NRXN3: variants seen among roughly 807,000 people sequenced by gnomAD.
NRXN3 encodes the protein neurexin 3.
Under a neutral mutation model 137.6 loss-of-function variants are expected in NRXN3, and 32 were observed. That is an observed-to-expected ratio of 0.23 (90% confidence interval 0.18 to 0.31). The LOEUF is 0.31. Among genes scored for constraint, NRXN3 ranks in the 10% least tolerant of loss-of-function variants. NRXN3 has a pLI of 1.00. For synonymous variants in NRXN3, 798 were observed against 784.5 expected, an observed-to-expected ratio of 1.02 and a Z score of -0.29; for missense variants, 1,574 against 2,062.5, an observed-to-expected ratio of 0.76 and a Z score of 4.59.
intron 15 of NRXN3, among the ~76,000 whole-genome samples, chr14:79,144,767 C>T (rs2153008783): frequency 6.6e-6 from 1 of 152,062 alleles, no homozygotes; most frequent in Middle Eastern, 3.4e-3. Flanking sequence ...GTTGTTTATT[C>T]TCTTTCTTCT....
chr14:79,565,271 G>A lies in NRXN3; in HGVS notation c.3444+97869G>A, dbSNP rs1028590963. Among the ~76,000 whole-genome samples, 7 of 128,276 alleles carry A rather than the reference G, an allele frequency of 5.5e-5. 1 individual carries two copies. Among genetic ancestry groups the A allele is most frequent in the African/African-American group, 2.3e-4 (7 of 30,704 alleles). The allele number at this position is 128,276 out of a possible 152,430, so 84.2% of individuals were successfully genotyped here. On this transcript the variant is annotated intron_variant, in intron 16 of 20. Coordinates refer to ENST00000335750, the MANE Select transcript of NRXN3 (RefSeq NM_001330195.2). ...TGTATATATACATATACACATGTGT[G>A]TGTGTATACATATACGCACACATGT... is the stretch of plus-strand genomic sequence containing the variant.
At position 79,080,130 on chromosome 14, in the gene NRXN3, G is replaced by T. The variant is rs991520505; in HGVS notation, c.3262+91989G>T. ...ATCATTCCCATGTGAGACTTCCTGG[G>T]AGACAGCTGGGGGCAGCCAGAAGCA... On this transcript the variant is annotated intron_variant, in intron 15 of 20. Coordinates refer to ENST00000335750, the MANE Select transcript of NRXN3 (RefSeq NM_001330195.2). 9.2e-5 allele frequency among the ~76,000 whole-genome samples: 14 copies of T among 152,260 alleles called. No individual in the cohort carries two copies. The East Asian group carries it at 2.7e-3, about 29-fold the overall frequency.
intron 8 of NRXN3, among the ~76,000 whole-genome samples, chr14:78,769,838 A>T (rs2098720968): frequency 6.6e-6 from 1 of 152,194 alleles, no homozygotes; most frequent in South Asian, 2.1e-4. Context: ...GCATAGAGAC[A>T]AGAAACTTCC....
intron 15 of NRXN3, among the ~76,000 whole-genome samples, chr14:79,390,673 C>A (rs879467503): frequency 1.3e-5 from 2 of 152,132 alleles, no homozygotes; most frequent in Non-Finnish European, 2.9e-5. Flanking sequence ...GAGACAATGG[C>A]AGCTTCTTGG....
At chr14:78,194,127 T>C (rs2061006648) in intron 1 of NRXN3, among the ~76,000 whole-genome samples, 1 of 152,226 alleles carries the variant, frequency 6.6e-6, no homozygotes, top group South Asian at 2.1e-4. Flanking sequence ...CCCTTCCATC[T>C]GCATGAAAAG....
At chr14:78,594,584 C>T (rs1231431059) in intron 4 of NRXN3, among the ~76,000 whole-genome samples, 1 of 152,164 alleles carries the variant, frequency 6.6e-6, no homozygotes, top group Non-Finnish European at 1.5e-5. Context: ...TATAAACCTT[C>T]TCAGGGTCTT....
At chr14:79,564,782 C>G (rs2097532052) in intron 16 of NRXN3, among the ~76,000 whole-genome samples, 1 of 151,966 alleles carries the variant, frequency 6.6e-6, no homozygotes, top group Non-Finnish European at 1.5e-5. Context: ...GAGTTGTGTT[C>G]ATGGGGAACA....
chr14:78,228,234 G>T (rs1187025781), intron 1 of NRXN3, among the ~76,000 whole-genome samples: 1 of 146,246 alleles, frequency 6.8e-6, no homozygotes, highest in Non-Finnish European at 1.5e-5. Context: ...TCCGCTCACT[G>T]TAACCTCCGC....
chr14:79,123,798 AAG>A (rs2055905248), intron 15 of NRXN3, among the ~76,000 whole-genome samples: 2 of 152,224 alleles, frequency 1.3e-5, no homozygotes, highest in African/African-American at 4.8e-5. Context: ...ATACATGAAT[AAG>A]CAGAGCAGGC....
chr14:78,831,555 A>AAC (rs1244460208), intron 10 of NRXN3, among the ~76,000 whole-genome samples: 3 of 151,154 alleles, frequency 2.0e-5, no homozygotes, highest in African/African-American at 7.3e-5. Context: ...AAAAAAAAAA[A>AAC]AAAAAACAAC....
chr14:79,162,411 C>A (rs948949237), intron 15 of NRXN3, among the ~76,000 whole-genome samples: 1 of 150,782 alleles, frequency 6.6e-6, no homozygotes, highest in Non-Finnish European at 1.5e-5. Context: ...TTTGTTCTTG[C>A]GATAGTTTAC....
chr14:78,771,329 C>T (rs961787846), intron 8 of NRXN3, among the ~76,000 whole-genome samples: 1 of 152,170 alleles, frequency 6.6e-6, no homozygotes, highest in Non-Finnish European at 1.5e-5. Flanking sequence ...GGTGGTTCCC[C>T]AGTGGGCACA....
intron 15 of NRXN3, among the ~76,000 whole-genome samples, chr14:79,341,588 A>C (rs1454005424): frequency 6.6e-6 from 1 of 152,170 alleles, no homozygotes; most frequent in African/African-American, 2.4e-5. Context: ...CATTCCTTTC[A>C]GAGAGGGAAC....
chr14:79,037,910 T>C (rs2152518706), intron 15 of NRXN3, among the ~76,000 whole-genome samples: 1 of 152,172 alleles, frequency 6.6e-6, no homozygotes, highest in Middle Eastern at 3.4e-3. Context: ...GACAAATGTC[T>C]CTGTTGGGTA....
At chr14:78,659,506 G>A (rs939959733) in intron 6 of NRXN3, among the ~76,000 whole-genome samples, 1 of 151,852 alleles carries the variant, frequency 6.6e-6, no homozygotes, top group African/African-American at 2.4e-5. Flanking sequence ...TAAGGAGACT[G>A]TGTGTGTACA....
chr14:79,584,092 AGGATAATTTTT>A (rs2097744525), intron 16 of NRXN3, among the ~76,000 whole-genome samples: 2 of 118,494 alleles, frequency 1.7e-5, no homozygotes, highest in Non-Finnish European at 3.2e-5. Context: ...GGCTATTACT[AGGATAATTTTT>A]TCTCCTGGAC....
intron 20 of NRXN3, among the ~76,000 whole-genome samples, chr14:79,854,837 G>C (rs1273088003): frequency 1.3e-5 from 2 of 152,150 alleles, no homozygotes; most frequent in African/African-American, 4.8e-5. Flanking sequence ...GGTAGAGTTT[G>C]GTTATCCAGG....
intron 4 of NRXN3, among the ~76,000 whole-genome samples, chr14:78,553,027 T>C (rs545655761): frequency 2.7e-4 from 41 of 152,344 alleles, no homozygotes; most frequent in African/African-American, 9.4e-4. Context: ...ACCCCATTTA[T>C]TGTGAATTCA....
rs550484400 is a variant in NRXN3, at chr14:78,848,396, G to A, written c.2275+38052G>A. Among the ~76,000 whole-genome samples the A allele has an allele frequency of 1.1e-3, 173 of 152,250 alleles. No individual in the cohort carries two copies. In the Middle Eastern group the frequency reaches 0.017, roughly 15 times the overall value. ...CCTTTCCAAAGGCTCTGTGTCAGGT[G>A]CTGGATAACCGTTAAAAGAAAGGAA... On this transcript the variant is annotated intron_variant, in intron 10 of 20. Coordinates refer to ENST00000335750, the MANE Select transcript of NRXN3 (RefSeq NM_001330195.2).
Sources: allele counts gnomAD v4.1 joint callset (sites outside exome capture counted in the v4.1 genomes callset), GRCh38; gene constraint gnomAD v4.1.1; transcripts MANE v1.5; gene names NCBI Gene and HGNC (gene_info 2026-07-23, HGNC 2026-07-21).